STXBP5L: variants seen among roughly 807,000 people sequenced by gnomAD.
STXBP5L encodes syntaxin-binding protein 5-like.
In STXBP5L, 65 loss-of-function variants were observed where a neutral mutation model predicts 144.5. The observed-to-expected ratio is 0.45, with a 90% CI of 0.37 to 0.55. STXBP5L has a LOEUF of 0.55. Ranked by LOEUF, STXBP5L falls within the 20% of genes least tolerant of loss-of-function variation. The probability of loss-of-function intolerance (pLI) is 0.00; values close to 1 mark genes in which losing one functional copy is unlikely to be tolerated. For synonymous variants in STXBP5L, 505 were observed against 469.6 expected, an observed-to-expected ratio of 1.08 and a Z score of -0.97; for missense variants, 1,298 against 1,405.5, an observed-to-expected ratio of 0.92 and a Z score of 1.22.
At chr3:121,404,352 A>G (rs1039579553) in intron 22 of STXBP5L, among the ~76,000 whole-genome samples, 4 of 152,024 alleles carry the variant, frequency 2.6e-5, no homozygotes, top group African/African-American at 9.7e-5. Flanking sequence ...ACACAGTTCA[A>G]CCAAGCCTCT....
intron 19 of STXBP5L, among the ~76,000 whole-genome samples, chr3:121,313,115 C>CG (rs2043606984): frequency 7.1e-6 from 1 of 141,552 alleles, no homozygotes; most frequent in East Asian, 2.2e-4. Context: ...CCCTCCCAGA[C>CG]GGGGCGGCTG....
intron 2 of STXBP5L, among the ~76,000 whole-genome samples, chr3:120,926,887 G>C (rs1445463009): frequency 1.3e-5 from 2 of 150,812 alleles, no homozygotes; most frequent in Admixed American, 6.6e-5. Flanking sequence ...TGATTTTTAA[G>C]AATCATTTCA....
At chr3:121,005,692 G>C (rs1200125061) in intron 3 of STXBP5L, among the ~76,000 whole-genome samples, 1 of 152,136 alleles carries the variant, frequency 6.6e-6, no homozygotes, top group Non-Finnish European at 1.5e-5. Context: ...GGCGTTTAGT[G>C]CTATAAATTT....
intron 3 of STXBP5L, among the ~76,000 whole-genome samples, chr3:120,989,148 A>C (rs1942586865): frequency 6.6e-6 from 1 of 152,088 alleles, no homozygotes; most frequent in South Asian, 2.1e-4. Flanking sequence ...TTATCTTTTG[A>C]TACAATGATT....
At chr3:121,011,405 AT>A (rs548006653) in intron 3 of STXBP5L, among the ~76,000 whole-genome samples, 18 of 151,538 alleles carry the variant, frequency 1.2e-4, no homozygotes, top group Non-Finnish European at 2.2e-4. Context: ...CAAGGACAAT[AT>A]TTTCCCAATT....
intron 3 of STXBP5L, among the ~76,000 whole-genome samples, chr3:121,001,997 T>A (rs1048199383): frequency 6.6e-6 from 1 of 152,248 alleles, no homozygotes; most frequent in African/African-American, 2.4e-5. Context: ...ATGGCTATAA[T>A]GAATAATGCT....
intron 14 of STXBP5L, among the ~76,000 whole-genome samples, chr3:121,248,798 A>C (rs2108357723): frequency 6.6e-6 from 1 of 152,248 alleles, no homozygotes; most frequent in East Asian, 1.9e-4. Flanking sequence ...TAAATCTTTA[A>C]TCCATTTTGA....
intron 3 of STXBP5L, among the ~76,000 whole-genome samples, chr3:121,019,799 CT>C (rs1364984655): frequency 6.6e-6 from 1 of 152,206 alleles, no homozygotes; most frequent in African/African-American, 2.4e-5. Flanking sequence ...GATCTTCCCA[CT>C]GACATAATCT....
intron 22 of STXBP5L, among the ~76,000 whole-genome samples, chr3:121,407,020 T>C (rs2047007405): frequency 1.3e-5 from 2 of 151,926 alleles, no homozygotes; most frequent in South Asian, 2.1e-4. Context: ...TTTTTTAATA[T>C]AATGAGAGGG....
intron 10 of STXBP5L, among the ~76,000 whole-genome samples, chr3:121,221,094 C>CA (rs147317488): frequency 0.019 from 2,927 of 151,942 alleles, 88 homozygotes; most frequent in African/African-American, 0.066. Context: ...AAAATGAGGA[C>CA]ATTGCTTATG....
intron 3 of STXBP5L, among the ~76,000 whole-genome samples, chr3:120,969,660 A>AT (rs1412106537): frequency 6.6e-6 from 1 of 151,860 alleles, no homozygotes. Flanking sequence ...ATCTTGTAGA[A>AT]TTTTTATCGT....
intron 2 of STXBP5L, among the ~76,000 whole-genome samples, chr3:120,939,009 A>G (rs1576450840): frequency 1.3e-5 from 2 of 151,980 alleles, no homozygotes; most frequent in East Asian, 1.9e-4. Flanking sequence ...GTCTCAACTC[A>G]TAGCCTCAAG....
At position 121,111,474 on chromosome 3, in the gene STXBP5L, C is replaced by T. The variant is rs76474663; in HGVS notation, c.471-3451C>T. On this transcript the variant is annotated intron_variant, in intron 5 of 26. Coordinates refer to ENST00000471454, the MANE Select transcript of STXBP5L (RefSeq NM_001308330.2). ...TGCTTTCTATTTGTTATTCTTTTAACGGTCAGGCCCCTCTTCTGGTTTGTT... is the reference window on the plus strand; with the variant it reads ...TGCTTTCTATTTGTTATTCTTTTAATGGTCAGGCCCCTCTTCTGGTTTGTT... Among the ~76,000 whole-genome samples, 1,298 of 152,272 alleles carry T rather than the reference C, an allele frequency of 8.5e-3. 8 individuals carry two copies. Among genetic ancestry groups the T allele is most frequent in the African/African-American group, 0.025 (1,044 of 41,550 alleles).
intron 3 of STXBP5L, among the ~76,000 whole-genome samples, chr3:121,029,762 A>T (rs1946228110): frequency 6.6e-6 from 1 of 151,946 alleles, no homozygotes; most frequent in African/African-American, 2.4e-5. Flanking sequence ...GAATGGGAGA[A>T]TTTTTTTTGA....
chr3:121,071,659 G>A (rs1180005469), intron 5 of STXBP5L, among the ~76,000 whole-genome samples: 3 of 152,176 alleles, frequency 2.0e-5, no homozygotes, highest in Non-Finnish European at 2.9e-5. Flanking sequence ...AAGTGGTTGG[G>A]TTCTATTGTT....
chr3:121,124,083 G>A (rs1432947960), intron 7 of STXBP5L, among the ~76,000 whole-genome samples: 1 of 151,746 alleles, frequency 6.6e-6, no homozygotes, highest in Non-Finnish European at 1.5e-5. Context: ...TTCATTTATT[G>A]TATAGTGAAT....
At chr3:121,356,681 C>T (rs763916903) in intron 20 of STXBP5L, among the ~76,000 whole-genome samples, 1 of 152,142 alleles carries the variant, frequency 6.6e-6, no homozygotes, top group Non-Finnish European at 1.5e-5. Flanking sequence ...TTCAGCTCAC[C>T]CTCCATGGGC....
At chr3:121,075,494 A>G (rs557679312) in intron 5 of STXBP5L, among the ~76,000 whole-genome samples, 1 of 152,228 alleles carries the variant, frequency 6.6e-6, no homozygotes, top group East Asian at 1.9e-4. Context: ...CCACCTGTAT[A>G]AGCTTGGTAA....
rs1424112508 is a variant in STXBP5L at position 121,424,552 on chromosome 3, T to C, written c.*5455T>C. The C allele has an allele frequency of 6.6e-6, 1 of 152,190 alleles. No homozygotes were observed. The highest frequency in any genetic ancestry group is 1.5e-5 in the Non-Finnish European group (1 of 68,026). 9.4% of individuals were successfully genotyped at this position (152,190 alleles called of 1,614,324 possible). On this transcript the variant is annotated 3_prime_UTR_variant, in exon 27 of 27. Transcript: ENST00000471454. ...AACAGAATCTCTAATAACCTATAAT[T>C]TTTAGTACTTAATTATGTGATGTTT...
Sources: gnomAD v4.1 joint callset for allele counts (sites outside exome capture counted in the v4.1 genomes callset) on GRCh38, gnomAD v4.1.1 for gene constraint, MANE v1.5 for transcripts, NCBI Gene and HGNC (gene_info 2026-07-23, HGNC 2026-07-21) for gene names.